Variants in SEPTIN7 observed in about 807,000 individuals in gnomAD.
SEPTIN7 encodes septin-7.
SEPTIN7 carries 10 observed loss-of-function variants against 63.3 expected under a neutral mutation model. The ratio of observed to expected loss-of-function variants is 0.16; its 90% CI spans 0.10 to 0.27. The LOEUF is 0.27. Among genes scored for constraint, SEPTIN7 ranks in the 10% least tolerant of loss-of-function variants. The pLI is 1.00. For synonymous variants in SEPTIN7, 131 were observed against 165.3 expected (o/e 0.79, Z 1.59); for missense variants, 310 against 521.0 (o/e 0.59, Z 3.94).
At chr7:35,870,823 TAAAAAAAAAAAA>T in intron 4 of SEPTIN7, among the ~76,000 whole-genome samples, 1 of 114,654 alleles carries the variant, frequency 8.7e-6, no homozygotes, top group Non-Finnish European at 1.8e-5. Flanking sequence ...AGACCCTGAC[TAAAAAAAAAAAA>T]AAAAAAAAAT....
intron 3 of SEPTIN7, among the ~76,000 whole-genome samples, chr7:35,838,238 T>TTCCC (rs1784181125): frequency 3.0e-4 from 2 of 6,606 alleles, no homozygotes; most frequent in Non-Finnish European, 5.2e-4. Flanking sequence ...TTATCCAAAC[T>TTCCC]TCCTTCCTTC....
chr7:35,909,109 A>G (rs147981466), downstream of SEPTIN7, among the ~76,000 whole-genome samples: 1 of 152,176 alleles, frequency 6.6e-6, no homozygotes, highest in East Asian at 1.9e-4. Context: ...GGTGGGACAT[A>G]ATAGGAGCTG....
chr7:35,875,257 T>G (rs1194334198), intron 6 of SEPTIN7, among the ~76,000 whole-genome samples: 1 of 152,220 alleles, frequency 6.6e-6, no homozygotes, highest in Non-Finnish European at 1.5e-5. Context: ...TTAAAATTGC[T>G]ATTTCTTATA....
intron 4 of SEPTIN7, among the ~76,000 whole-genome samples, chr7:35,871,304 A>G (rs1271039174): frequency 2.6e-5 from 4 of 152,224 alleles, no homozygotes; most frequent in Non-Finnish European, 4.4e-5. Context: ...CCTCATAATA[A>G]AATTTTTTTA....
In SEPTIN7 at chr7:35,904,798, A is replaced by G. The variant is rs1788521518; in HGVS notation, c.*505A>G. 5.2e-5 allele frequency: 2 copies of G among 38,694 alleles called. No individual in the cohort carries two copies. Among genetic ancestry groups the G allele is most frequent in the South Asian group, 3.8e-3 (2 of 520 alleles). 2.4% of individuals were successfully genotyped at this position (38,694 alleles called of 1,614,324 possible). On this transcript the variant is annotated 3_prime_UTR_variant, in exon 14 of 14. Transcript: ENST00000350320. Reference sequence around the variant, plus strand: ...TTTGACACTTCCATTGTTTAAAAATACACATGGAAAAAAAAAAAACCCTAT... The same window carrying G: ...TTTGACACTTCCATTGTTTAAAAATGCACATGGAAAAAAAAAAAACCCTAT...
intron 3 of SEPTIN7, 50 bp downstream of exon 3, chr7:35,832,950 G>T: frequency 1.0e-6 from 1 of 978,046 alleles, no homozygotes; most frequent in Non-Finnish European, 1.7e-6. Flanking sequence ...AGTTTTAAAC[G>T]TTAGTCAACT....
At chr7:35,890,530 T>A in intron 10 of SEPTIN7, 138 bp from the exon 11 acceptor site, 2 of 652,966 alleles carry the variant, frequency 3.1e-6, no homozygotes, top group Non-Finnish European at 2.2e-6. Context: ...AATGCCACCT[T>A]CCTTAACAAT....
chr7:35,883,034 G>A (rs1473472425), intron 8 of SEPTIN7, among the ~76,000 whole-genome samples: 1 of 152,062 alleles, frequency 6.6e-6, no homozygotes, highest in Non-Finnish European at 1.5e-5. Context: ...TATATTTTCA[G>A]ATAGCTAGAA....
At chr7:35,862,516 G>A (rs1481348125) in intron 3 of SEPTIN7, among the ~76,000 whole-genome samples, 1 of 152,112 alleles carries the variant, frequency 6.6e-6, no homozygotes, top group Non-Finnish European at 1.5e-5. Flanking sequence ...AGTTAAGAAA[G>A]AATCGAGTGT....
At chr7:35,889,930 T>C (rs1292689806) in intron 10 of SEPTIN7, among the ~76,000 whole-genome samples, 1 of 152,134 alleles carries the variant, frequency 6.6e-6, no homozygotes, top group African/African-American at 2.4e-5. Context: ...AAGTTTGAGA[T>C]AGAATGGATG....
At chr7:35,902,215 C>T (rs1245304173) in intron 12 of SEPTIN7, 2 of 142,930 alleles carry the variant, frequency 1.4e-5, no homozygotes, top group Non-Finnish European at 1.5e-5. Context: ...AATTTGTTGA[C>T]TTTTTTTTTT....
intron 3 of SEPTIN7, among the ~76,000 whole-genome samples, chr7:35,857,965 C>A (rs1275298836): frequency 6.6e-6 from 1 of 151,748 alleles, no homozygotes; most frequent in Non-Finnish European, 1.5e-5. Context: ...TTTTTTGGGA[C>A]AGAGTCTTGC....
At chr7:35,866,174 A>C (rs552603029) in intron 4 of SEPTIN7, among the ~76,000 whole-genome samples, 1 of 152,360 alleles carries the variant, frequency 6.6e-6, no homozygotes, top group South Asian at 2.1e-4. Flanking sequence ...GTATTCTTTT[A>C]TATACTGGAA....
At chr7:35,851,744 T>C (rs762844501) in intron 3 of SEPTIN7, among the ~76,000 whole-genome samples, 6 of 152,326 alleles carry the variant, frequency 3.9e-5, no homozygotes, top group Middle Eastern at 3.4e-3. Flanking sequence ...ATTGTAGTTA[T>C]AAGTCACTTT....
chr7:35,877,335 G>A (rs753070038), intron 6 of SEPTIN7, among the ~76,000 whole-genome samples: 18 of 152,100 alleles, frequency 1.2e-4, no homozygotes, highest in Non-Finnish European at 2.2e-4. Flanking sequence ...CCCCCTCACT[G>A]TCTCTGTCTT....
intron 11 of SEPTIN7, among the ~76,000 whole-genome samples, chr7:35,896,997 A>G (rs1787994856): frequency 6.6e-6 from 1 of 152,208 alleles, no homozygotes; most frequent in Non-Finnish European, 1.5e-5. Flanking sequence ...GTTAGAAAAG[A>G]AAATTGCTGT....
rs1788594857 is a variant in SEPTIN7 at position 35,906,064 on chromosome 7, C to T, written c.*1771C>T. ...TTGTTTTGAGAGATTGGGTTAACAC[C>T]TCTAGCCAAAATTGTTTGGTTTTAG... On this transcript the variant is annotated 3_prime_UTR_variant, in exon 14 of 14. Coordinates refer to ENST00000350320, the MANE Select transcript of SEPTIN7 (RefSeq NM_001788.6). 6.6e-6 allele frequency: 1 copy of T among 151,922 alleles called. No homozygotes were observed. The highest frequency in any genetic ancestry group is 2.4e-5 in the African/African-American group (1 of 41,368). The allele number at this position is 151,922 out of a possible 1,614,324, so 9.4% of individuals were successfully genotyped here.
chr7:35,881,673 C>T (rs1786887298), intron 7 of SEPTIN7, among the ~76,000 whole-genome samples: 1 of 151,488 alleles, frequency 6.6e-6, no homozygotes, highest in East Asian at 1.9e-4. Flanking sequence ...AAAGTTGCAC[C>T]AAAATATAAG....
chr7:35,815,701 T>G (rs1245046873), intron 1 of SEPTIN7, among the ~76,000 whole-genome samples: 1 of 152,236 alleles, frequency 6.6e-6, no homozygotes, highest in Non-Finnish European at 1.5e-5. Context: ...TCAAAATACT[T>G]TTTTCCAAAG....
Sources: allele counts gnomAD v4.1 joint callset (sites outside exome capture counted in the v4.1 genomes callset), GRCh38; gene constraint gnomAD v4.1.1; transcripts MANE v1.5; gene names NCBI Gene and HGNC (gene_info 2026-07-23, HGNC 2026-07-21).